Variants in ZBTB40 observed in about 807,000 individuals in gnomAD.
ZBTB40 encodes the protein zinc finger and BTB domain-containing protein 40.
ZBTB40 carries 60 observed loss-of-function variants against 117.5 expected under a neutral mutation model. The ratio of observed to expected loss-of-function variants is 0.51; its 90% confidence interval spans 0.41 to 0.63. ZBTB40 has a LOEUF of 0.63. Among genes scored for constraint, ZBTB40 ranks in the 30% least tolerant of loss-of-function variants. The pLI is 0.00. For synonymous variants in ZBTB40, 525 were observed against 577.1 expected (o/e 0.91, Z 1.29); for missense variants, 1,287 against 1,498.5 (o/e 0.86, Z 2.33).
At chr1:22,468,465 CTTTTTTT>C (rs555995462) in intron 1 of ZBTB40, among the ~76,000 whole-genome samples, 30 of 51,714 alleles carry the variant, frequency 5.8e-4, no homozygotes, top group Admixed American at 2.0e-3. Context: ...TTAATGTTTC[CTTTTTTT>C]TTTTTTTTTT....
In ZBTB40 at chr1:22,523,960, G is replaced by A. The variant is rs1639607200; in HGVS notation, c.3299-258G>A. On this transcript the variant is annotated intron_variant, in intron 16 of 17. Transcript: ENST00000375647. ...GCTTCTGCAGAGGCAGATTTGGCCT[G>A]AATCTGATACTAATGAAACTGTCAT... Among the ~76,000 whole-genome samples, 3 of 152,186 alleles carry A rather than the reference G, an allele frequency of 2.0e-5. No homozygotes were observed. In the South Asian group the frequency reaches 6.2e-4, roughly 31 times the overall value.
intron 9 of ZBTB40, 63 bp downstream of exon 9, chr1:22,509,296 C>T (rs1639166880): frequency 3.1e-6 from 5 of 1,607,302 alleles, no homozygotes; most frequent in Non-Finnish European, 4.3e-6. Flanking sequence ...GGACTGTCTT[C>T]ATTCCTAAGA....
chr1:22,512,789 G>A lies in ZBTB40; in HGVS notation c.2462-135G>A, dbSNP rs940149510. 5 of 984,632 alleles carry A rather than the reference G, an allele frequency of 5.1e-6. No homozygotes were observed. The African/African-American group carries it at 6.4e-5, about 13-fold the overall frequency. The allele number at this position is 984,632 out of a possible 1,614,324, so 61.0% of individuals were successfully genotyped here. On this transcript the variant is annotated intron_variant, in intron 11 of 17. Coordinates refer to ENST00000375647, the MANE Select transcript of ZBTB40 (RefSeq NM_014870.4). ...GCTGTGTGCAGTGGGTACCAGCGTG[G>A]CCTGGCACCCTGGGCTTCATGCTGT...
chr1:22,435,810 A>T (rs1640662146), intron 1 of ZBTB40, among the ~76,000 whole-genome samples: 1 of 152,204 alleles, frequency 6.6e-6, no homozygotes, highest in Non-Finnish European at 1.5e-5. Flanking sequence ...ATACATACAT[A>T]TGACAAAGGA....
chr1:22,477,090 G>A (rs1188558877), intron 1 of ZBTB40, among the ~76,000 whole-genome samples: 1 of 152,160 alleles, frequency 6.6e-6, no homozygotes, highest in Non-Finnish European at 1.5e-5. Flanking sequence ...AGCCTGTATA[G>A]TGTATTTCCA....
chr1:22,446,029 C>T (rs72871684), intron 1 of ZBTB40, among the ~76,000 whole-genome samples: 7,343 of 151,990 alleles, frequency 0.048, 432 homozygotes, highest in African/African-American at 0.13. Context: ...ATAAAGGAGA[C>T]AGCGTGCAAG....
chr1:22,432,105 A>G (rs1276796671), intron 1 of ZBTB40, among the ~76,000 whole-genome samples: 1 of 152,160 alleles, frequency 6.6e-6, no homozygotes, highest in Non-Finnish European at 1.5e-5. Flanking sequence ...CATTTTGCAG[A>G]TGGCAAAATG....
chr1:22,517,552 G>A, intron 13 of ZBTB40, 88 bp downstream of exon 13: 10 of 1,503,046 alleles, frequency 6.7e-6, no homozygotes, highest in Non-Finnish European at 8.1e-6. Flanking sequence ...CAATCCATCA[G>A]ACCCAAGCTC....
At chr1:22,497,438 A>T (rs1282382983) in intron 3 of ZBTB40, among the ~76,000 whole-genome samples, 3 of 152,192 alleles carry the variant, frequency 2.0e-5, no homozygotes, top group Non-Finnish European at 2.9e-5. Context: ...TGAGTTAATG[A>T]GATTCGTTTT....
At chr1:22,467,943 G>A (rs1400782028) in intron 1 of ZBTB40, among the ~76,000 whole-genome samples, 1 of 151,942 alleles carries the variant, frequency 6.6e-6, no homozygotes, top group African/African-American at 2.4e-5. Flanking sequence ...CAAAAAATTA[G>A]TCAGGTGTAG....
intron 1 of ZBTB40, among the ~76,000 whole-genome samples, chr1:22,435,392 A>C (rs1640656567): frequency 6.6e-6 from 1 of 151,986 alleles, no homozygotes; most frequent in South Asian, 2.1e-4. Flanking sequence ...TTTCTCTTCT[A>C]ACTGGTTTCT....
chr1:22,501,069 G>A (rs1638922122), intron 3 of ZBTB40, among the ~76,000 whole-genome samples: 1 of 152,158 alleles, frequency 6.6e-6, no homozygotes, highest in South Asian at 2.1e-4. Context: ...AATTCACTGA[G>A]CCCCTACTGT....
rs138476351 is a variant in ZBTB40, at chr1:22,502,742, G to A, written c.1167+301G>A. 4.7e-3 allele frequency among the ~76,000 whole-genome samples: 721 copies of A among 152,276 alleles called. 4 individuals are homozygous for A. Among genetic ancestry groups the A allele is most frequent in the Middle Eastern group, 0.014 (4 of 294 alleles). Reference sequence around the variant, plus strand: ...GGATGGACGGACGGACGGATGGACCGATGGACAGATGGATATATGCTATTC... The same window carrying A: ...GGATGGACGGACGGACGGATGGACCAATGGACAGATGGATATATGCTATTC... On this transcript the variant is annotated intron_variant, in intron 5 of 17. Coordinates refer to ENST00000375647, the MANE Select transcript of ZBTB40 (RefSeq NM_014870.4).
intron 6 of ZBTB40, among the ~76,000 whole-genome samples, chr1:22,506,505 C>T (rs1239152213): frequency 6.6e-6 from 1 of 152,108 alleles, no homozygotes; most frequent in East Asian, 1.9e-4. Flanking sequence ...CCAGGGCTGT[C>T]CAGGATCACC....
At chr1:22,485,010 G>A (rs554520265) in intron 1 of ZBTB40, among the ~76,000 whole-genome samples, 1 of 152,300 alleles carries the variant, frequency 6.6e-6, no homozygotes, top group Non-Finnish European at 1.5e-5. Flanking sequence ...TGGCTATGAT[G>A]TATAATTCTC....
chr1:22,435,906 T>TA lies in ZBTB40; in HGVS notation c.-70+6906dup, dbSNP rs78821662. ...CAACATAGTGAAACCCCATCTTTACTAAAAAAAAAAAAAATACAAAATTAG... is the reference window on the plus strand; with the variant it reads ...CAACATAGTGAAACCCCATCTTTACTAAAAAAAAAAAAAAATACAAAATTAG... On this transcript the variant is annotated intron_variant, in intron 1 of 8. Transcript: ENST00000650433. Among the ~76,000 whole-genome samples, 632 of 144,756 alleles carry TA rather than the reference T, an allele frequency of 4.4e-3. 3 individuals are homozygous for TA. The highest frequency in any genetic ancestry group is 0.014 in the African/African-American group (522 of 38,662). The allele number at this position is 144,756 out of a possible 152,430, so 95.0% of individuals were successfully genotyped here. A position where few individuals can be genotyped will look rare whatever the true frequency, so the allele number is the denominator to read the frequency against.
chr1:22,511,384 A>G, intron 10 of ZBTB40, 37 bp downstream of exon 10: 1 of 1,611,232 alleles, frequency 6.2e-7, no homozygotes, highest in Non-Finnish European at 8.5e-7. Context: ...GGTTCCTATC[A>G]GCACACCAGG....
chr1:22,457,754 G>T (rs193133067), intron 1 of ZBTB40, among the ~76,000 whole-genome samples: 1 of 152,192 alleles, frequency 6.6e-6, no homozygotes, highest in Non-Finnish European at 1.5e-5. Context: ...AAAGGTGAAC[G>T]GTAGGTGATT....
intron 1 of ZBTB40, among the ~76,000 whole-genome samples, chr1:22,432,285 A>G (rs1640602386): frequency 6.6e-6 from 1 of 152,210 alleles, no homozygotes; most frequent in African/African-American, 2.4e-5. Context: ...CCTGTGGGCT[A>G]TAGCCACACA....
Sources: gnomAD v4.1 joint callset for allele counts (sites outside exome capture counted in the v4.1 genomes callset) on GRCh38, gnomAD v4.1.1 for gene constraint, MANE v1.5 for transcripts, NCBI Gene and HGNC (gene_info 2026-07-23, HGNC 2026-07-21) for gene names.